PTPRD: variants seen among roughly 807,000 people sequenced by gnomAD.
The protein encoded by PTPRD is protein tyrosine phosphatase receptor type D, also known as receptor-type tyrosine-protein phosphatase delta.
Under a neutral mutation model 214.5 loss-of-function variants are expected in PTPRD, and 34 were observed. The observed-to-expected ratio is 0.16, with a 90% CI of 0.12 to 0.21. The LOEUF (loss-of-function observed/expected upper bound fraction) is 0.21. Among genes scored for constraint, PTPRD ranks in the 10% least tolerant of loss-of-function variants. The pLI is 1.00. For missense variants in PTPRD, 2,545 were observed against 2,398.7 expected, an observed-to-expected ratio of 1.06 and a Z score of -1.27; for synonymous variants, 1,128 against 845.7, an observed-to-expected ratio of 1.33 and a Z score of -5.79.
intron 11 of PTPRD, among the ~76,000 whole-genome samples, chr9:8,787,974 T>C (rs904426789): frequency 4.6e-5 from 7 of 152,226 alleles, no homozygotes; most frequent in Non-Finnish European, 8.8e-5. Context: ...AAGGTGCTTT[T>C]TGCTAACTTT....
chr9:10,330,182 G>C (rs868404809), intron 3 of PTPRD, among the ~76,000 whole-genome samples: 46 of 151,790 alleles, frequency 3.0e-4, no homozygotes, highest in African/African-American at 1.1e-3. Flanking sequence ...CTGGGACTAT[G>C]AGATTGACCT....
intron 8 of PTPRD, among the ~76,000 whole-genome samples, chr9:9,520,305 T>TTA (rs1421115837): frequency 9.5e-5 from 11 of 116,178 alleles, no homozygotes; most frequent in Non-Finnish European, 1.6e-4. Context: ...ATATATTAAG[T>TTA]TATATATATA....
At chr9:9,897,131 T>TAC (rs60964311) in intron 5 of PTPRD, among the ~76,000 whole-genome samples, 304 of 148,964 alleles carry the variant, frequency 2.0e-3, no homozygotes, top group Admixed American at 6.2e-3. Flanking sequence ...CTCTTACACT[T>TAC]ACACACACAC....
At chr9:9,495,027 G>A (rs576518000) in intron 8 of PTPRD, among the ~76,000 whole-genome samples, 2 of 152,044 alleles carry the variant, frequency 1.3e-5, no homozygotes, top group Non-Finnish European at 2.9e-5. Flanking sequence ...TTGGTAAAAT[G>A]ATTTTTGACA....
chr9:9,164,065 CTATTA>C (rs1390377916), intron 10 of PTPRD, among the ~76,000 whole-genome samples: 6 of 151,988 alleles, frequency 3.9e-5, no homozygotes, highest in Non-Finnish European at 5.9e-5. Context: ...ATTATTATGC[CTATTA>C]TATTAGTTTC....
At chr9:10,118,636 C>T (rs1388755942) in intron 3 of PTPRD, among the ~76,000 whole-genome samples, 2 of 151,290 alleles carry the variant, frequency 1.3e-5, no homozygotes, top group African/African-American at 2.4e-5. Context: ...TGTTAGTTGG[C>T]TATGAGCTCA....
Position 9,105,919 on chromosome 9 carries a change from T to C in PTPRD, c.-143+77385A>G, listed in dbSNP as rs141094645. 7.2e-5 allele frequency among the ~76,000 whole-genome samples: 11 copies of C among 152,306 alleles called. No homozygotes were observed. In the East Asian group the frequency reaches 2.1e-3, roughly 29 times the overall value. On this transcript the variant is annotated intron_variant, in intron 10 of 45. Transcript: ENST00000381196. ...TCCACCCAGTGCTCTTTTTGGTACA[T>C]TCAGGGTTGGGAAGTGGAGGGAAGC...
At chr9:9,799,692 G>C (rs991787578) in intron 5 of PTPRD, 6 of 152,266 alleles carry the variant, frequency 3.9e-5, no homozygotes, top group African/African-American at 1.4e-4. Context: ...GTAAGCATTA[G>C]AGGAAGGTTA....
At chr9:8,664,294 A>G (rs2097127689) in intron 12 of PTPRD, among the ~76,000 whole-genome samples, 1 of 152,206 alleles carries the variant, frequency 6.6e-6, no homozygotes, top group Non-Finnish European at 1.5e-5. Flanking sequence ...CATCATGTGT[A>G]TCTATCAACT....
intron 10 of PTPRD, among the ~76,000 whole-genome samples, chr9:9,151,831 C>G (rs1321462054): frequency 6.6e-6 from 1 of 152,122 alleles, no homozygotes; most frequent in Non-Finnish European, 1.5e-5. Context: ...AGCAGTGCTC[C>G]AGATCACGCC....
intron 14 of PTPRD, among the ~76,000 whole-genome samples, chr9:8,576,828 A>G (rs1049103163): frequency 1.3e-5 from 2 of 152,122 alleles, no homozygotes; most frequent in Non-Finnish European, 2.9e-5. Flanking sequence ...GCCAACCCAG[A>G]AAGCATCTTT....
At chr9:9,642,613 G>A (rs1564254284) in intron 7 of PTPRD, among the ~76,000 whole-genome samples, 1 of 151,882 alleles carries the variant, frequency 6.6e-6, no homozygotes, top group African/African-American at 2.4e-5. Flanking sequence ...TTTGTTATTG[G>A]GCCACGAGAA....
At chr9:9,316,182 G>A (rs1962945126) in intron 9 of PTPRD, among the ~76,000 whole-genome samples, 1 of 151,834 alleles carries the variant, frequency 6.6e-6, no homozygotes, top group Non-Finnish European at 1.5e-5. Flanking sequence ...TTCAGTCCAT[G>A]AGATTGCTAC....
At chr9:9,775,267 A>G (rs563188109) in intron 5 of PTPRD, among the ~76,000 whole-genome samples, 11 of 152,218 alleles carry the variant, frequency 7.2e-5, no homozygotes, top group Non-Finnish European at 1.6e-4. Context: ...ACACAGACAT[A>G]TCACCATTAA....
chr9:9,559,984 C>T (rs72706532), intron 8 of PTPRD, among the ~76,000 whole-genome samples: 5,792 of 152,260 alleles, frequency 0.038, 154 homozygotes, highest in Middle Eastern at 0.075. Flanking sequence ...AGTGGATTGC[C>T]AAGTCCACAT....
At chr9:8,905,218 G>A (rs756221082) in intron 11 of PTPRD, among the ~76,000 whole-genome samples, 2 of 151,980 alleles carry the variant, frequency 1.3e-5, no homozygotes, top group Non-Finnish European at 2.9e-5. Context: ...CAGTTCCAAA[G>A]TAAAGCATTC....
chr9:10,591,609 C>T (rs2132914489), intron 2 of PTPRD, among the ~76,000 whole-genome samples: 1 of 151,870 alleles, frequency 6.6e-6, no homozygotes, highest in Middle Eastern at 3.4e-3. Flanking sequence ...AACGAGGTCA[C>T]ACCTTGAGGG....
intron 12 of PTPRD, among the ~76,000 whole-genome samples, chr9:8,668,792 A>C (rs75407175): frequency 0.011 from 1,682 of 152,350 alleles, 13 homozygotes; most frequent in Non-Finnish European, 0.018. Flanking sequence ...TCTTAGTCTC[A>C]AAATTGTGTC....
intron 3 of PTPRD, among the ~76,000 whole-genome samples, chr9:10,060,591 T>C (rs1006111569): frequency 2.6e-5 from 4 of 151,904 alleles, no homozygotes; most frequent in Non-Finnish European, 4.4e-5. Context: ...AAAAGGGAAA[T>C]ACAGTGTTAA....
Sources: allele counts gnomAD v4.1 joint callset (sites outside exome capture counted in the v4.1 genomes callset), GRCh38; gene constraint gnomAD v4.1.1; transcripts MANE v1.5; gene names NCBI Gene and HGNC (gene_info 2026-07-23, HGNC 2026-07-21).